Variants in ARHGAP24 observed in about 807,000 individuals in gnomAD.
ARHGAP24 encodes the protein rho GTPase-activating protein 24.
A neutral mutation model predicts 76.4 loss-of-function variants in ARHGAP24; 50 were observed. The observed-to-expected ratio is 0.65, with a 90% CI of 0.52 to 0.83. ARHGAP24 has a LOEUF of 0.83. ARHGAP24 is among the 40% of genes least tolerant of loss of function. The pLI is 0.00. For synonymous variants in ARHGAP24, 345 were observed against 323.3 expected, an observed-to-expected ratio of 1.07 and a Z score of -0.72; for missense variants, 930 against 914.2, an observed-to-expected ratio of 1.02 and a Z score of -0.22.
At chr4:85,765,272 T>C (rs1025835351) in intron 3 of ARHGAP24, among the ~76,000 whole-genome samples, 1 of 152,138 alleles carries the variant, frequency 6.6e-6, no homozygotes, top group African/African-American at 2.4e-5. Flanking sequence ...GGTTTGTGAA[T>C]TGGATTGTGC....
intron 1 of ARHGAP24, among the ~76,000 whole-genome samples, chr4:85,515,930 A>G (rs573288988): frequency 2.0e-5 from 3 of 152,266 alleles, no homozygotes; most frequent in East Asian, 1.9e-4. Context: ...AGCCCTGCCA[A>G]TGGAGGGTGC....
intron 3 of ARHGAP24, among the ~76,000 whole-genome samples, chr4:85,920,489 A>G (rs1182690839): frequency 2.6e-5 from 4 of 152,236 alleles, no homozygotes; most frequent in African/African-American, 9.6e-5. Flanking sequence ...TCATGATGAA[A>G]ATGCCAAAAG....
chr4:85,553,669 C>T (rs1726239094), intron 1 of ARHGAP24, among the ~76,000 whole-genome samples: 1 of 152,140 alleles, frequency 6.6e-6, no homozygotes, highest in Admixed American at 6.5e-5. Context: ...GGTCCAAGTC[C>T]CCAGCCGACC....
chr4:85,894,953 T>C (rs1231910276), intron 3 of ARHGAP24, among the ~76,000 whole-genome samples: 2 of 62,814 alleles, frequency 3.2e-5, no homozygotes, highest in African/African-American at 7.2e-5. Flanking sequence ...AGAATGAGAC[T>C]CCCTCTCAAA....
At chr4:85,627,211 C>A (rs1400721991) in intron 2 of ARHGAP24, among the ~76,000 whole-genome samples, 2 of 152,014 alleles carry the variant, frequency 1.3e-5, no homozygotes, top group African/African-American at 4.8e-5. Flanking sequence ...GTTTTATCTA[C>A]CTTTGGTCTT....
chr4:85,828,241 G>A (rs1392552808), intron 3 of ARHGAP24, among the ~76,000 whole-genome samples: 2 of 152,092 alleles, frequency 1.3e-5, no homozygotes, highest in Non-Finnish European at 2.9e-5. Flanking sequence ...TTCGTTAATC[G>A]CTGCTGCCAC....
intron 2 of ARHGAP24, among the ~76,000 whole-genome samples, chr4:85,594,103 T>A (rs149210889): frequency 0.013 from 1,934 of 152,200 alleles, 41 homozygotes; most frequent in African/African-American, 0.044. Flanking sequence ...CTTTCCTTTT[T>A]TTAATATCCT....
chr4:85,477,931 A>G (rs1722666537), intron 1 of ARHGAP24, among the ~76,000 whole-genome samples: 1 of 152,196 alleles, frequency 6.6e-6, no homozygotes, highest in African/African-American at 2.4e-5. Flanking sequence ...TCTGACCAGC[A>G]GTGAAGGGTT....
In ARHGAP24 at chr4:85,637,346, A is replaced by G. The variant is rs565435238; in HGVS notation, c.180+66625A>G. ...AAATTTTTGGTCTCTATAATCCCAA[A>G]TTTTGACAACAAATAAAGGGTGTAG... is the stretch of plus-strand genomic sequence containing the variant. On this transcript the variant is annotated intron_variant, in intron 2 of 9. Coordinates refer to ENST00000395184, the MANE Select transcript of ARHGAP24 (RefSeq NM_001025616.3). Among the ~76,000 whole-genome samples, 3 of 152,238 alleles carry G rather than the reference A, an allele frequency of 2.0e-5. No individual in the cohort carries two copies. The South Asian group carries it at 6.2e-4, about 32-fold the overall frequency.
chr4:85,689,642 G>A (rs536169104), intron 2 of ARHGAP24, among the ~76,000 whole-genome samples: 128 of 152,208 alleles, frequency 8.4e-4, no homozygotes, highest in African/African-American at 2.8e-3. Context: ...GCCCTCCTCA[G>A]CCTCCCAAAG....
chr4:85,818,123 AG>A (rs1299046641), intron 3 of ARHGAP24, among the ~76,000 whole-genome samples: 1 of 152,230 alleles, frequency 6.6e-6, no homozygotes, highest in Admixed American at 6.5e-5. Flanking sequence ...AAGGACAAAA[AG>A]GGAATGACAA....
intron 3 of ARHGAP24, among the ~76,000 whole-genome samples, chr4:85,743,439 G>GGCATGT (rs1725902582): frequency 7.4e-6 from 1 of 135,346 alleles, no homozygotes; most frequent in Non-Finnish European, 1.5e-5. Context: ...AAAAAGGCTG[G>GGCATGT]GCATGTTAGT....
intron 1 of ARHGAP24, among the ~76,000 whole-genome samples, chr4:85,556,995 C>T (rs1726403941): frequency 6.6e-6 from 1 of 152,188 alleles, no homozygotes; most frequent in Admixed American, 6.5e-5. Flanking sequence ...TTCCATAAGG[C>T]AGCTCTGCCG....
intron 1 of ARHGAP24, among the ~76,000 whole-genome samples, chr4:85,492,367 T>G (rs1723394638): frequency 6.6e-6 from 1 of 152,180 alleles, no homozygotes; most frequent in South Asian, 2.1e-4. Flanking sequence ...CAAAACTGCT[T>G]GAATGAACTG....
chr4:85,864,475 G>T (rs1401056032), intron 3 of ARHGAP24, among the ~76,000 whole-genome samples: 1 of 152,042 alleles, frequency 6.6e-6, no homozygotes, highest in Non-Finnish European at 1.5e-5. Context: ...ATTTGGTACA[G>T]ATTTATCTTG....
At chr4:85,773,845 C>T (rs1048492813) in intron 3 of ARHGAP24, among the ~76,000 whole-genome samples, 1 of 152,124 alleles carries the variant, frequency 6.6e-6, no homozygotes, top group African/African-American at 2.4e-5. Flanking sequence ...CATAACCTAG[C>T]ACAAGGCCTT....
intron 1 of ARHGAP24, among the ~76,000 whole-genome samples, chr4:85,531,102 AC>A (rs1358148808): frequency 6.6e-6 from 1 of 151,868 alleles, no homozygotes; most frequent in African/African-American, 2.4e-5. Flanking sequence ...TATCTATGGG[AC>A]TTTGTGTGTC....
intron 3 of ARHGAP24, among the ~76,000 whole-genome samples, chr4:85,847,964 G>C (rs769475284): frequency 7.9e-5 from 12 of 152,050 alleles, no homozygotes; most frequent in Admixed American, 5.2e-4. Flanking sequence ...CATAATAAAG[G>C]AATCTAGGCA....
chr4:85,939,810 A>G (rs1246924352), intron 4 of ARHGAP24, among the ~76,000 whole-genome samples: 1 of 152,088 alleles, frequency 6.6e-6, no homozygotes, highest in Non-Finnish European at 1.5e-5. Flanking sequence ...ACACATGGTC[A>G]TTGAATTGCA....
Sources: gnomAD v4.1 joint callset for allele counts (sites outside exome capture counted in the v4.1 genomes callset) on GRCh38, gnomAD v4.1.1 for gene constraint, MANE v1.5 for transcripts, NCBI Gene and HGNC (gene_info 2026-07-23, HGNC 2026-07-21) for gene names.